ADAMTS3: variants seen among roughly 807,000 people sequenced by gnomAD.
ADAMTS3 encodes ADAM metallopeptidase with thrombospondin type 1 motif 3.
A neutral mutation model predicts 129.0 loss-of-function variants in ADAMTS3; 73 were observed. That is an observed-to-expected ratio of 0.57 (90% CI 0.47 to 0.69). The LOEUF (loss-of-function observed/expected upper bound fraction) is 0.69. ADAMTS3 is among the 30% of genes least tolerant of loss of function. The pLI is 0.00. For synonymous variants in ADAMTS3, 477 were observed against 510.8 expected (o/e 0.93, Z 0.89); for missense variants, 1,457 against 1,514.5 (o/e 0.96, Z 0.63).
intron 3 of ADAMTS3, among the ~76,000 whole-genome samples, chr4:72,444,726 A>G (rs1718207394): frequency 6.6e-6 from 1 of 151,810 alleles, no homozygotes; most frequent in Non-Finnish European, 1.5e-5. Context: ...AGGAAAACTG[A>G]AAGATGACAA....
intron 19 of ADAMTS3, among the ~76,000 whole-genome samples, chr4:72,293,938 T>C (rs1280343529): frequency 6.6e-6 from 1 of 152,050 alleles, no homozygotes; most frequent in East Asian, 1.9e-4. Flanking sequence ...ATATTAATGA[T>C]ATGATAGCAA....
intron 16 of ADAMTS3, among the ~76,000 whole-genome samples, chr4:72,305,261 C>T (rs1328999924): frequency 6.6e-6 from 1 of 151,976 alleles, no homozygotes; most frequent in African/African-American, 2.4e-5. Context: ...TTATAATCAG[C>T]TCTCCGTGGC....
Position 72,504,321 on chromosome 4 carries a change from T to C in ADAMTS3, c.504+44157A>G, listed in dbSNP as rs72853055. ...GAAAAAATATTTTATTTCTCTTTCATTTATAAAGCTTAGTTTGGTGAAATA... is the reference window on the plus strand; with the variant it reads ...GAAAAAATATTTTATTTCTCTTTCACTTATAAAGCTTAGTTTGGTGAAATA... On this transcript the variant is annotated intron_variant, in intron 3 of 21. Coordinates refer to ENST00000286657, the MANE Select transcript of ADAMTS3 (RefSeq NM_014243.3). 6.2e-3 allele frequency among the ~76,000 whole-genome samples: 939 copies of C among 152,284 alleles called. 18 individuals carry two copies. Among genetic ancestry groups the C allele is most frequent in the African/African-American group, 0.021 (891 of 41,564 alleles).
chr4:72,453,106 A>C (rs1177591800), intron 3 of ADAMTS3, among the ~76,000 whole-genome samples: 4 of 151,854 alleles, frequency 2.6e-5, no homozygotes, highest in Non-Finnish European at 5.9e-5. Flanking sequence ...TCCCAAACAT[A>C]TGTGGCCACA....
chr4:72,454,061 A>G (rs1718479549), intron 3 of ADAMTS3, among the ~76,000 whole-genome samples: 1 of 151,410 alleles, frequency 6.6e-6, no homozygotes, highest in Non-Finnish European at 1.5e-5. Context: ...ATGAGTAAAA[A>G]TAATATTTTA....
intron 3 of ADAMTS3, among the ~76,000 whole-genome samples, chr4:72,505,604 G>A (rs1238397282): frequency 6.6e-6 from 1 of 152,212 alleles, no homozygotes; most frequent in East Asian, 1.9e-4. Flanking sequence ...TACACCTACA[G>A]GTCCCCTGAT....
chr4:72,396,057 C>T lies in ADAMTS3; in HGVS notation c.661+18758G>A, dbSNP rs116470072. Among the ~76,000 whole-genome samples, 525 of 152,182 alleles carry T rather than the reference C, an allele frequency of 3.4e-3. 3 individuals are homozygous for T. Among genetic ancestry groups the T allele is most frequent in the Admixed American group, 6.0e-3 (91 of 15,294 alleles). On this transcript the variant is annotated intron_variant, in intron 4 of 21. Coordinates refer to ENST00000286657, the MANE Select transcript of ADAMTS3 (RefSeq NM_014243.3). ...ATGTAAAATTTGTGGGTACTGCTTA[C>T]CAACTGGATAAGGGTTGTGAAAATC...
rs528907775 is a variant in ADAMTS3, at chr4:72,459,002, A to G, written c.505-44031T>C. Among the ~76,000 whole-genome samples, 3 of 151,860 alleles carry G rather than the reference A, an allele frequency of 2.0e-5. No homozygotes were observed. In the South Asian group the frequency reaches 6.2e-4, roughly 31 times the overall value. On this transcript the variant is annotated intron_variant, in intron 3 of 21. Transcript: ENST00000286657. ...CACAGGAAATATTAATGAAAATGCT[A>G]ACAAAAAAACAATTTTGTATACAAA...
chr4:72,529,900 T>G (rs1720928728), intron 3 of ADAMTS3, among the ~76,000 whole-genome samples: 1 of 62,082 alleles, frequency 1.6e-5, no homozygotes, highest in Admixed American at 3.2e-4. Flanking sequence ...ATATATTATA[T>G]ATAAATAATA....
At position 72,283,551 on chromosome 4, in the gene ADAMTS3, G is replaced by C. The variant is rs369688516; in HGVS notation, c.3203C>G (p.Thr1068Ser). 1.7e-5 allele frequency: 28 copies of C among 1,614,064 alleles called. No homozygotes were observed. The highest frequency in any genetic ancestry group is 2.3e-5 in the Non-Finnish European group (27 of 1,179,970). ...AGGGTTAGAGATGACATCATCATGA[G>C]TTTCAGCAGCTTCTAGAAGGTATGG... The part of the protein sequence containing the change: ...PPPYLLEAAE[T>S]HDDVISNPSD... Residue 1068 changes from threonine to serine, a missense_variant, in exon 22 of 22, where the codon ACT (threonine) becomes AGT (serine). Coordinates refer to ENST00000286657, the MANE Select transcript of ADAMTS3 (RefSeq NM_014243.3).
chr4:72,301,260 C>T (rs1243362016), intron 17 of ADAMTS3, among the ~76,000 whole-genome samples: 1 of 151,874 alleles, frequency 6.6e-6, no homozygotes, highest in African/African-American at 2.4e-5. Context: ...AATCTTTATC[C>T]ACAAAAGAAA....
At chr4:72,534,547 A>C (rs1035508487) in intron 3 of ADAMTS3, among the ~76,000 whole-genome samples, 13 of 152,180 alleles carry the variant, frequency 8.5e-5, no homozygotes, top group African/African-American at 3.1e-4. Context: ...AGTGTAGAGG[A>C]AGAGTAATTT....
chr4:72,545,526 TTTGTTCCTACTCC>T (rs1578782815), intron 3 of ADAMTS3, among the ~76,000 whole-genome samples: 1 of 152,188 alleles, frequency 6.6e-6, no homozygotes, highest in African/African-American at 2.4e-5. Context: ...TGTCTGTTGC[TTTGTTCCTACTCC>T]CTGGAAATTA....
At chr4:72,435,133 G>A (rs534404505) in intron 3 of ADAMTS3, among the ~76,000 whole-genome samples, 2 of 151,934 alleles carry the variant, frequency 1.3e-5, no homozygotes, top group African/African-American at 4.8e-5. Context: ...CCAACAAAAA[G>A]CACAAAACTG....
In ADAMTS3 at chr4:72,281,022, C is replaced by T. The variant is rs1718326116; in HGVS notation, c.*2114G>A. ...GTGCTCTCAGTACAACAAACAGCAT[C>T]AGTAGTGTACACTTTGATAAAAAGG... On this transcript the variant is annotated 3_prime_UTR_variant, in exon 22 of 22. Coordinates refer to ENST00000286657, the MANE Select transcript of ADAMTS3 (RefSeq NM_014243.3). The T allele has an allele frequency of 6.6e-6, 1 of 152,540 alleles. No individual in the cohort carries two copies. Among genetic ancestry groups the T allele is most frequent in the South Asian group, 2.1e-4 (1 of 4,830 alleles). The allele number at this position is 152,540 out of a possible 1,614,324, so 9.4% of individuals were successfully genotyped here.
chr4:72,399,356 C>T (rs942629763), intron 4 of ADAMTS3, among the ~76,000 whole-genome samples: 1 of 152,034 alleles, frequency 6.6e-6, no homozygotes, highest in African/African-American at 2.4e-5. Context: ...TTGCTTAAAT[C>T]CAGGAGTTTG....
chr4:72,511,049 G>A (rs910840631), intron 3 of ADAMTS3, among the ~76,000 whole-genome samples: 1 of 152,076 alleles, frequency 6.6e-6, no homozygotes, highest in African/African-American at 2.4e-5. Flanking sequence ...TTCAATAAAT[G>A]GTGCTGGGAA....
At chr4:72,468,703 A>AG (rs1341134559) in intron 3 of ADAMTS3, among the ~76,000 whole-genome samples, 1 of 151,988 alleles carries the variant, frequency 6.6e-6, no homozygotes, top group East Asian at 1.9e-4. Context: ...TGCATCAAAC[A>AG]CATCACAACA....
Position 72,339,544 on chromosome 4 carries a change from A to T in ADAMTS3, c.811T>A (p.Phe271Ile), listed in dbSNP as rs764970584. ...LLGVDDSVVR[F>I]HGKEHVQNYL... is the part of the protein sequence containing the mutation. ...TTTTGGACGTGCTCTTTGCCATGGAAACGGACCACAGAGTCATCCACTCCC... is the reference window on the plus strand; with the variant it reads ...TTTTGGACGTGCTCTTTGCCATGGATACGGACCACAGAGTCATCCACTCCC... Residue 271 changes from phenylalanine (F) to isoleucine (I), a missense_variant, in exon 5 of 22, where the codon TTC (phenylalanine) becomes ATC (isoleucine). By Grantham distance (21) the Phe-to-Ile change is conservative. Coordinates refer to ENST00000286657, the MANE Select transcript of ADAMTS3 (RefSeq NM_014243.3). 1.2e-6 allele frequency: 2 copies of T among 1,613,912 alleles called. No homozygotes were observed. The highest frequency in any genetic ancestry group is 1.7e-6 in the Non-Finnish European group (2 of 1,179,884).
Sources: gnomAD v4.1 joint callset for allele counts (sites outside exome capture counted in the v4.1 genomes callset) on GRCh38, gnomAD v4.1.1 for gene constraint, MANE v1.5 for transcripts, NCBI Gene and HGNC (gene_info 2026-07-23, HGNC 2026-07-21) for gene names.